Variants in VPS8 observed in about 807,000 individuals in gnomAD.
VPS8 encodes vacuolar protein sorting-associated protein 8 homolog.
In VPS8, 129 loss-of-function variants were observed where a neutral mutation model predicts 216.4. The ratio of observed to expected loss-of-function variants is 0.60; its 90% CI spans 0.52 to 0.69. The LOEUF is 0.69. Ranked by LOEUF, VPS8 falls within the 30% of genes least tolerant of loss-of-function variation. VPS8 has a pLI of 0.00. For synonymous variants in VPS8, 571 were observed against 565.4 expected, an observed-to-expected ratio of 1.01 and a Z score of -0.14; for missense variants, 1,531 against 1,683.5, an observed-to-expected ratio of 0.91 and a Z score of 1.59.
At chr3:184,992,677 C>T (rs1427042073) in intron 42 of VPS8, among the ~76,000 whole-genome samples, 1 of 152,050 alleles carries the variant, frequency 6.6e-6, no homozygotes, top group Admixed American at 6.6e-5. Flanking sequence ...GTTGGATTCT[C>T]CTATTTGGCA....
intron 25 of VPS8, among the ~76,000 whole-genome samples, chr3:184,911,322 G>A (rs1448868260): frequency 6.6e-6 from 1 of 152,170 alleles, no homozygotes; most frequent in Non-Finnish European, 1.5e-5. Context: ...AAACAAATAC[G>A]TTTAGCTCTC....
intron 43 of VPS8, among the ~76,000 whole-genome samples, chr3:184,994,770 C>T (rs1237453034): frequency 6.6e-6 from 1 of 152,006 alleles, no homozygotes; most frequent in Non-Finnish European, 1.5e-5. Context: ...TGTCACTAAC[C>T]ATTGTATTAG....
chr3:184,845,723 C>G (rs1722994557), intron 8 of VPS8, among the ~76,000 whole-genome samples: 1 of 147,412 alleles, frequency 6.8e-6, no homozygotes, highest in Admixed American at 6.9e-5. Context: ...CCATTGCACT[C>G]CAGCCTGGGC....
chr3:185,009,543 T>G (rs1754714210), intron 45 of VPS8, among the ~76,000 whole-genome samples: 1 of 152,132 alleles, frequency 6.6e-6, no homozygotes, highest in African/African-American at 2.4e-5. Context: ...GAATTCAGAA[T>G]TTTTTGGATT....
chr3:184,976,944 T>C (rs1191508967), intron 40 of VPS8, among the ~76,000 whole-genome samples: 1 of 152,188 alleles, frequency 6.6e-6, no homozygotes, highest in African/African-American at 2.4e-5. Flanking sequence ...ATCTTTTTGA[T>C]AGAATGATTT....
At chr3:184,878,620 C>G (rs1309732218) in intron 21 of VPS8, among the ~76,000 whole-genome samples, 1 of 152,166 alleles carries the variant, frequency 6.6e-6, no homozygotes, top group Non-Finnish European at 1.5e-5. Context: ...CTAACCCATA[C>G]CTCCTCTGAG....
intron 40 of VPS8, among the ~76,000 whole-genome samples, chr3:184,980,576 C>T (rs1026623035): frequency 2.0e-5 from 3 of 151,948 alleles, no homozygotes; most frequent in South Asian, 2.1e-4. Flanking sequence ...GGTCTTTAAC[C>T]TCTGAGATTC....
chr3:184,989,854 C>T (rs190055518), intron 42 of VPS8, among the ~76,000 whole-genome samples: 161 of 151,968 alleles, frequency 1.1e-3, no homozygotes, highest in Middle Eastern at 3.4e-3. Flanking sequence ...GGGCAGATCA[C>T]GAGGTCAGGA....
chr3:184,839,399 T>C, intron 6 of VPS8: 1 of 305,972 alleles, frequency 3.3e-6, no homozygotes, highest in Non-Finnish European at 6.0e-6. Context: ...TTTGCCTGGA[T>C]CCCTGATTTT....
rs189165756 is a variant in VPS8 at position 185,027,129 on chromosome 3, C to T, written c.4056+2740C>T. Among the ~76,000 whole-genome samples, 115 of 151,956 alleles carry T rather than the reference C, an allele frequency of 7.6e-4. 2 individuals are homozygous for T. The highest frequency in any genetic ancestry group is 2.5e-3 in the African/African-American group (105 of 41,438). ...AGTAGACGGGTAAACTGATAGTTACCGAACACCTTGACACATACCATGGAA... is the reference window on the plus strand; with the variant it reads ...AGTAGACGGGTAAACTGATAGTTACTGAACACCTTGACACATACCATGGAA... On this transcript the variant is annotated intron_variant, in intron 46 of 47. Transcript: ENST00000625842.
chr3:184,867,836 ACT>A (rs991376252), intron 17 of VPS8, among the ~76,000 whole-genome samples, 186 bp from the exon 18 acceptor site: 5 of 152,078 alleles, frequency 3.3e-5, no homozygotes, highest in African/African-American at 1.2e-4. Flanking sequence ...ACAGAGCGAG[ACT>A]CTGTCTCAAA....
intron 2 of VPS8, 86 bp from the exon 3 acceptor site, chr3:184,826,077 G>T: frequency 1.1e-6 from 1 of 904,060 alleles, no homozygotes; most frequent in Non-Finnish European, 1.7e-6. Flanking sequence ...TCTTTTAATT[G>T]ATGGTGGTTT....
At chr3:185,027,731 T>G (rs1292330516) in intron 46 of VPS8, among the ~76,000 whole-genome samples, 1 of 152,130 alleles carries the variant, frequency 6.6e-6, no homozygotes, top group Non-Finnish European at 1.5e-5. Context: ...TCTTTGTCAT[T>G]TTAGGTGTCT....
At chr3:184,921,085 C>T (rs1738523309) in intron 29 of VPS8, among the ~76,000 whole-genome samples, 1 of 152,178 alleles carries the variant, frequency 6.6e-6, no homozygotes, top group African/African-American at 2.4e-5. Flanking sequence ...GATTTATTCC[C>T]AGTCTTGTCC....
chr3:184,999,347 C>T (rs959609487), intron 44 of VPS8, among the ~76,000 whole-genome samples: 1 of 152,240 alleles, frequency 6.6e-6, no homozygotes, highest in Non-Finnish European at 1.5e-5. Context: ...GCGTGAGCCA[C>T]CACGCCCAGC....
intron 46 of VPS8, among the ~76,000 whole-genome samples, chr3:185,046,772 C>A (rs1355443884): frequency 6.6e-6 from 1 of 152,208 alleles, no homozygotes; most frequent in East Asian, 1.9e-4. Context: ...AAGCTAAATT[C>A]CTTGCCCAGA....
At chr3:184,987,307 T>A (rs1363577615) in intron 42 of VPS8, among the ~76,000 whole-genome samples, 2 of 151,998 alleles carry the variant, frequency 1.3e-5, no homozygotes, top group African/African-American at 4.8e-5. Flanking sequence ...AGAGATGGGG[T>A]CTTGCCATGT....
At chr3:184,970,560 G>A (rs1282871825) in intron 39 of VPS8, among the ~76,000 whole-genome samples, 4 of 152,160 alleles carry the variant, frequency 2.6e-5, no homozygotes, top group Non-Finnish European at 5.9e-5. Context: ...TTAGGCTGAG[G>A]AAAACATGAA....
At chr3:184,955,765 C>T (rs900861348) in intron 36 of VPS8, among the ~76,000 whole-genome samples, 4 of 140,754 alleles carry the variant, frequency 2.8e-5, no homozygotes, top group African/African-American at 1.0e-4. Flanking sequence ...TATATATTTA[C>T]ATCAGATTAC....
Sources: gnomAD v4.1 joint callset for allele counts (sites outside exome capture counted in the v4.1 genomes callset) on GRCh38, gnomAD v4.1.1 for gene constraint, MANE v1.5 for transcripts, NCBI Gene and HGNC (gene_info 2026-07-23, HGNC 2026-07-21) for gene names.